The following RAB38 variants were observed in gnomAD, a reference collection of about 807,000 sequenced individuals.
RAB38 encodes the protein RAB38, member RAS oncogene family.
In RAB38, 15 loss-of-function variants were observed where a neutral mutation model predicts 18.4. The observed-to-expected ratio is 0.82, with a 90% confidence interval of 0.55 to 1.26. The LOEUF is 1.26. Among genes scored for constraint, RAB38 ranks in the 50% most tolerant of loss-of-function variants. The pLI, the probability that RAB38 is intolerant of heterozygous loss-of-function variation, is 0.00. For missense variants in RAB38, 294 were observed against 267.4 expected, an observed-to-expected ratio of 1.10 and a Z score of -0.69; for synonymous variants, 101 against 104.4, an observed-to-expected ratio of 0.97 and a Z score of 0.20.
Position 88,175,389 on chromosome 11 carries a change from G to T in RAB38, c.-5C>A. 2.5e-6 allele frequency: 4 copies of T among 1,614,042 alleles called. No individual in the cohort carries two copies. Among genetic ancestry groups the T allele is most frequent in the Non-Finnish European group, 3.4e-6 (4 of 1,180,004 alleles). On this transcript the variant is annotated 5_prime_UTR_variant, in exon 1 of 3. Coordinates refer to ENST00000243662, the MANE Select transcript of RAB38 (RefSeq NM_022337.3). ...CTCCTTGTGCGGGGCCTGCATCCTG[G>T]CGGCCGGCCAGACGTGCCGTGCCTG...
At chr11:88,010,022 AT>A in the RAB38 span, among the ~76,000 whole-genome samples, 1 of 152,152 alleles carries the variant, frequency 6.6e-6, no homozygotes, top group Non-Finnish European at 1.5e-5. Flanking sequence ...TTTATATAAT[AT>A]TTTTAATAAT....
chr11:88,042,810 A>C, the RAB38 span, among the ~76,000 whole-genome samples: 1 of 152,220 alleles, frequency 6.6e-6, no homozygotes, highest in Non-Finnish European at 1.5e-5. Flanking sequence ...TGTGAACCTC[A>C]GAATGCCTGA....
At chr11:88,159,909 A>C (rs1943170139) in intron 1 of RAB38, among the ~76,000 whole-genome samples, 2 of 152,210 alleles carry the variant, frequency 1.3e-5, no homozygotes, top group South Asian at 4.1e-4. Flanking sequence ...CATTCTGGAC[A>C]TCAGCCTTGG....
the RAB38 span, among the ~76,000 whole-genome samples, chr11:87,839,578 G>C: frequency 6.6e-6 from 1 of 152,096 alleles, no homozygotes. Context: ...AAAATTACAC[G>C]ATTTAAGTTA....
At chr11:87,856,666 A>C in the RAB38 span, among the ~76,000 whole-genome samples, 1 of 152,124 alleles carries the variant, frequency 6.6e-6, no homozygotes, top group East Asian at 1.9e-4. Context: ...GTCCCACTAG[A>C]GCGTAGCTTG....
rs1463508118 is a variant in RAB38, at chr11:88,157,522, C to CA, written c.203-7568_203-7567insT. Among the ~76,000 whole-genome samples the CA allele has an allele frequency of 2.0e-5, 3 of 152,080 alleles. No individual in the cohort carries two copies. The South Asian group carries it at 6.2e-4, about 32-fold the overall frequency. The stretch of plus-strand genomic sequence containing the variant: ...AACAGACATCTACGGAATACTCTAC[C>CA]CATCAACCACAGAATAAACATTCTT... On this transcript the variant is annotated intron_variant, in intron 1 of 2. Coordinates refer to ENST00000243662, the MANE Select transcript of RAB38 (RefSeq NM_022337.3).
the RAB38 span, among the ~76,000 whole-genome samples, chr11:88,079,808 G>T: frequency 6.6e-6 from 1 of 150,942 alleles, no homozygotes; most frequent in Non-Finnish European, 1.5e-5. Context: ...TAGTAATCTC[G>T]GTAGATGCAC....
the RAB38 span, among the ~76,000 whole-genome samples, chr11:87,857,635 T>C: frequency 6.6e-6 from 1 of 152,352 alleles, no homozygotes; most frequent in East Asian, 1.9e-4. Flanking sequence ...AATTTTTTCA[T>C]GTGTCTTTTG....
the RAB38 span, among the ~76,000 whole-genome samples, chr11:88,076,278 A>G: frequency 1.3e-5 from 2 of 152,080 alleles, no homozygotes; most frequent in Non-Finnish European, 2.9e-5. Context: ...ACATACCTCA[A>G]ATAATAAAGA....
the RAB38 span, among the ~76,000 whole-genome samples, chr11:87,806,642 A>C: frequency 6.6e-6 from 1 of 152,150 alleles, no homozygotes; most frequent in Non-Finnish European, 1.5e-5. Flanking sequence ...TAATTTTTTT[A>C]TTTGTTTTCC....
chr11:88,139,176 T>C (rs1052843121), intron 2 of RAB38, among the ~76,000 whole-genome samples: 1 of 152,200 alleles, frequency 6.6e-6, no homozygotes, highest in African/African-American at 2.4e-5. Context: ...CAACATGTTC[T>C]TGATTAGATA....
chr11:88,052,925 T>C, the RAB38 span, among the ~76,000 whole-genome samples: 1 of 25,086 alleles, frequency 4.0e-5, no homozygotes. Flanking sequence ...TATATATATA[T>C]ATATATATAT....
intron 1 of RAB38, among the ~76,000 whole-genome samples, chr11:88,154,238 C>A (rs901948476): frequency 1.4e-4 from 22 of 152,170 alleles, no homozygotes; most frequent in African/African-American, 5.3e-4. Context: ...GATCAGGATG[C>A]CATTTTTAAT....
chr11:87,935,346 A>T, the RAB38 span, among the ~76,000 whole-genome samples: 2 of 151,458 alleles, frequency 1.3e-5, no homozygotes, highest in African/African-American at 4.9e-5. Flanking sequence ...CTCTCCTGGG[A>T]TTCCCCTAAT....
the RAB38 span, among the ~76,000 whole-genome samples, chr11:88,097,484 G>A: frequency 1.3e-4 from 19 of 151,772 alleles, no homozygotes; most frequent in Admixed American, 6.6e-5. Flanking sequence ...CAAGAATAGA[G>A]AGTGGAACCC....
At chr11:88,017,914 C>T in the RAB38 span, among the ~76,000 whole-genome samples, 2 of 151,660 alleles carry the variant, frequency 1.3e-5, no homozygotes, top group Admixed American at 6.6e-5. Context: ...CATGTCTTTC[C>T]CATGCTATTC....
chr11:88,136,909 T>A (rs996147327), intron 2 of RAB38, among the ~76,000 whole-genome samples: 1 of 152,310 alleles, frequency 6.6e-6, no homozygotes. Flanking sequence ...CCAAGTCAAA[T>A]TCTGGTTTAT....
At chr11:88,039,738 A>G in the RAB38 span, among the ~76,000 whole-genome samples, 89 of 152,334 alleles carry the variant, frequency 5.8e-4, no homozygotes, top group African/African-American at 2.1e-3. Flanking sequence ...TGACATTATC[A>G]ACTACTCCTT....
chr11:88,114,055 G>A lies in RAB38; in HGVS notation c.569C>T (p.Pro190Leu), dbSNP rs761810753. Residue 190 changes from proline to leucine, a missense_variant, in exon 3 of 3, where the codon CCG becomes CTG. Pro to Leu is a moderately conservative substitution (Grantham distance 98, BLOSUM62 -3). Coordinates refer to ENST00000243662, the MANE Select transcript of RAB38 (RefSeq NM_022337.3). ...TGTGAGATGGGGCTTCACGACGTCC[G>A]GCTCAATAGACTCCATTAGGTCACA... ...NECDLMESIE[P>L]DVVKPHLTST... 45 of 1,613,992 alleles carry A rather than the reference G, an allele frequency of 2.8e-5. No homozygotes were observed. Among genetic ancestry groups the A allele is most frequent in the Non-Finnish European group, 3.6e-5 (42 of 1,180,018 alleles).
Sources: allele counts gnomAD v4.1 joint callset (sites outside exome capture counted in the v4.1 genomes callset), GRCh38; gene constraint gnomAD v4.1.1; transcripts MANE v1.5; gene names NCBI Gene and HGNC (gene_info 2026-07-23, HGNC 2026-07-21).